CATSPERE: variants seen among roughly 807,000 people sequenced by gnomAD.
CATSPERE encodes cation channel sperm-associated auxiliary subunit epsilon.
In CATSPERE, 93 loss-of-function variants were observed where a neutral mutation model predicts 114.1. The ratio of observed to expected loss-of-function variants is 0.81; its 90% confidence interval spans 0.69 to 0.97. The LOEUF (loss-of-function observed/expected upper bound fraction) is 0.97. Ranked by LOEUF, CATSPERE falls within the 50% of genes least tolerant of loss-of-function variation. The pLI, the probability that CATSPERE is intolerant of heterozygous loss-of-function variation, is 0.00. For synonymous variants in CATSPERE, 341 were observed against 384.1 expected (o/e 0.89, Z 1.31); for missense variants, 1,058 against 1,131.6 (o/e 0.93, Z 0.93).
intron 8 of CATSPERE, among the ~76,000 whole-genome samples, chr1:244,529,517 A>T (rs58087218): frequency 0.11 from 17,337 of 151,742 alleles, 1,572 homozygotes; most frequent in African/African-American, 0.25. Context: ...GGATTATTAT[A>T]TTTTTTTCCT....
chr1:244,489,446 G>A (rs1354792883), intron 5 of CATSPERE, among the ~76,000 whole-genome samples: 2 of 127,664 alleles, frequency 1.6e-5, no homozygotes, highest in Non-Finnish European at 3.1e-5. Context: ...AAGGAAGCAT[G>A]CAGATTTTTT....
intron 8 of CATSPERE, among the ~76,000 whole-genome samples, chr1:244,548,652 A>G (rs1285633022): frequency 6.6e-6 from 1 of 152,236 alleles, no homozygotes; most frequent in African/African-American, 2.4e-5. Context: ...CACTGGATCC[A>G]TGCTCCTGGA....
In CATSPERE at chr1:244,605,753, C is replaced by T. The variant is rs772851457; in HGVS notation, c.2362C>T (p.His788Tyr). The T allele has an allele frequency of 9.9e-6, 16 of 1,613,314 alleles. No individual in the cohort carries two copies. The highest frequency in any genetic ancestry group is 1.4e-5 in the Non-Finnish European group (16 of 1,179,612). Residue 788 changes from histidine (H) to tyrosine (Y), a missense_variant, in exon 18 of 22, where the codon CAC (histidine) becomes TAC (tyrosine). Physicochemically the swap from His to Tyr is moderately conservative, Grantham distance 83 (BLOSUM62 2). Transcript: ENST00000366534. ...VEANFIVWEIHGRDDYSFNNT... is the reference protein window; with the variant it reads ...VEANFIVWEIYGRDDYSFNNT... Reference sequence around the variant, plus strand: ...AGCAAATTTCATAGTGTGGGAAATACACGGCAGGGATGACTATAGCTTTAA... The same window carrying T: ...AGCAAATTTCATAGTGTGGGAAATATACGGCAGGGATGACTATAGCTTTAA...
rs759921869 is a variant in CATSPERE, at chr1:244,635,518, TAG to T, written c.2682_2683del (p.Glu894AspfsTer40). ...TGTAACCTAACAGCTATGTTTGCAA[TAG>T]AGACATTTGGACTGATTCCCAGGTA... On this transcript the variant is annotated frameshift_variant, in exon 21 of 22. Coordinates refer to ENST00000366534, the MANE Select transcript of CATSPERE (RefSeq NM_001130957.2). LOFTEE classifies it low-confidence loss of function (END_TRUNC). 3 of 1,612,986 alleles carry T rather than the reference TAG, an allele frequency of 1.9e-6. No homozygotes were observed. The highest frequency in any genetic ancestry group is 2.5e-6 in the Non-Finnish European group (3 of 1,179,102).
At chr1:244,496,148 A>G (rs1188104541) in intron 6 of CATSPERE, among the ~76,000 whole-genome samples, 2 of 152,238 alleles carry the variant, frequency 1.3e-5, no homozygotes, top group Non-Finnish European at 2.9e-5. Context: ...CAAAAAAGAA[A>G]CCAATCGTTT....
chr1:244,588,566 C>A, intron 14 of CATSPERE, 32 bp downstream of exon 14: 4 of 1,523,212 alleles, frequency 2.6e-6, no homozygotes, highest in Non-Finnish European at 2.7e-6. Context: ...CTGTGTTACT[C>A]TTTAAGTTTT....
chr1:244,549,239 T>C (rs1048410140), intron 8 of CATSPERE, among the ~76,000 whole-genome samples: 14 of 152,118 alleles, frequency 9.2e-5, no homozygotes, highest in African/African-American at 3.1e-4. Context: ...GAGTTATCCC[T>C]CAGGTAAAGA....
At chr1:244,593,478 A>G (rs966654164) in intron 16 of CATSPERE, 21 bp from the exon 17 acceptor site, 33 of 1,613,288 alleles carry the variant, frequency 2.0e-5, no homozygotes, top group Non-Finnish European at 2.7e-5. Flanking sequence ...TAAAATCACT[A>G]AAGTAGTTTT....
Position 244,504,007 on chromosome 1 carries a change from A to C in CATSPERE, c.429+4928A>C, listed in dbSNP as rs777224517. On this transcript the variant is annotated intron_variant, in intron 7 of 21. Coordinates refer to ENST00000366534, the MANE Select transcript of CATSPERE (RefSeq NM_001130957.2). This position sits in a 1 kb window ranked among gnomAD's most constrained non-coding sequence, Gnocchi z 4.1. The stretch of plus-strand genomic sequence containing the variant: ...TATGACCTGGAGATATTTCATGCTT[A>C]TTTTTTTCCTTTTTTTCTAAAGTTT... Among the ~76,000 whole-genome samples the C allele has an allele frequency of 1.3e-5, 2 of 151,872 alleles. No individual in the cohort carries two copies. Among genetic ancestry groups the C allele is most frequent in the African/African-American group, 2.4e-5 (1 of 41,328 alleles).
intron 8 of CATSPERE, among the ~76,000 whole-genome samples, chr1:244,533,009 A>G (rs1051506487): frequency 1.3e-5 from 2 of 151,872 alleles, no homozygotes; most frequent in Non-Finnish European, 2.9e-5. Flanking sequence ...CTCTAATAAT[A>G]TTTGCCTTAT....
At chr1:244,494,469 G>T (rs1207434326) in intron 6 of CATSPERE, among the ~76,000 whole-genome samples, 1 of 110,436 alleles carries the variant, frequency 9.1e-6, no homozygotes, top group Admixed American at 1.1e-4. Context: ...GGGGGAGGGG[G>T]GAGGGATAGC....
intron 7 of CATSPERE, among the ~76,000 whole-genome samples, chr1:244,512,928 CA>C (rs1676004970): frequency 6.6e-6 from 1 of 152,132 alleles, no homozygotes; most frequent in Non-Finnish European, 1.5e-5. Context: ...TTGTTGGGGA[CA>C]GGAGAACCAG....
intron 8 of CATSPERE, among the ~76,000 whole-genome samples, chr1:244,527,689 A>G (rs1253157755): frequency 6.6e-6 from 1 of 152,236 alleles, no homozygotes; most frequent in Admixed American, 6.5e-5. Flanking sequence ...TTCAGAATTT[A>G]TGTTCAGAGA....
At chr1:244,565,741 TAGATTCATAGATTTCA>T (rs1274730468) in intron 10 of CATSPERE, among the ~76,000 whole-genome samples, 2 of 152,246 alleles carry the variant, frequency 1.3e-5, no homozygotes, top group African/African-American at 4.8e-5. Flanking sequence ...CATAGATTCA[TAGATTCATAGATTTCA>T]AGATTCATAG....
At chr1:244,555,392 A>AG (rs1468950158) in intron 9 of CATSPERE, among the ~76,000 whole-genome samples, 1 of 152,094 alleles carries the variant, frequency 6.6e-6, no homozygotes, top group Non-Finnish European at 1.5e-5. Flanking sequence ...CAAAAAAAAA[A>AG]AAAAAAATCA....
chr1:244,538,125 C>G (rs1487850402), intron 8 of CATSPERE, among the ~76,000 whole-genome samples: 1 of 152,010 alleles, frequency 6.6e-6, no homozygotes, highest in Non-Finnish European at 1.5e-5. Context: ...GATTTCAAGG[C>G]CAGCCTGGGC....
intron 17 of CATSPERE, 90 bp from the exon 18 acceptor site, chr1:244,605,605 A>G: frequency 5.3e-6 from 4 of 758,264 alleles, no homozygotes; most frequent in Non-Finnish European, 8.8e-6. Context: ...GACAGGATTT[A>G]AACCTAAGCA....
chr1:244,544,123 C>T (rs1659339344), intron 8 of CATSPERE, among the ~76,000 whole-genome samples: 1 of 151,878 alleles, frequency 6.6e-6, no homozygotes, highest in African/African-American at 2.4e-5. Context: ...GTCTATAGAC[C>T]CAAAAGCCCT....
At chr1:244,511,396 GT>G (rs894973285) in intron 7 of CATSPERE, among the ~76,000 whole-genome samples, 30 of 150,226 alleles carry the variant, frequency 2.0e-4, no homozygotes, top group Non-Finnish European at 1.0e-4. Context: ...GTTGGATTGT[GT>G]TTTTTTTTAA....
Sources: gnomAD v4.1 joint callset for allele counts (sites outside exome capture counted in the v4.1 genomes callset) on GRCh38, gnomAD v4.1.1 for gene constraint, Gnocchi (gnomAD v3.1) non-coding constraint, MANE v1.5 for transcripts, NCBI Gene and HGNC (gene_info 2026-07-23, HGNC 2026-07-21) for gene names.